SLC66A3: variants seen among roughly 807,000 people sequenced by gnomAD.
SLC66A3 encodes solute carrier family 66 member 3, also known as PQ loop repeat containing 3.
In SLC66A3, 23 loss-of-function variants were observed where a neutral mutation model predicts 25.5. That is an observed-to-expected ratio of 0.90 (90% CI 0.65 to 1.28). The LOEUF (loss-of-function observed/expected upper bound fraction) is 1.28, where lower values mean the gene tolerates loss of function less well. SLC66A3 is among the 50% of genes most tolerant of loss of function. SLC66A3 has a pLI of 0.00. For synonymous variants in SLC66A3, 108 were observed against 112.6 expected (o/e 0.96, Z 0.26); for missense variants, 246 against 262.1 (o/e 0.94, Z 0.42).
At position 11,161,946 on chromosome 2, in the gene SLC66A3, C is replaced by T. The variant is rs538085759; in HGVS notation, c.296+1252C>T. Among the ~76,000 whole-genome samples, 40 of 152,308 alleles carry T rather than the reference C, an allele frequency of 2.6e-4. No individual in the cohort carries two copies. In the South Asian group the frequency reaches 2.7e-3, roughly 10 times the overall value. On this transcript the variant is annotated intron_variant, in intron 3 of 6. Transcript: ENST00000295083. Reference sequence around the variant, plus strand: ...GGAGGGCAGAGCCAGGCCTGTGGCCCGCAGGCCATGAGAATGTGGGTGTGG... The same window carrying T: ...GGAGGGCAGAGCCAGGCCTGTGGCCTGCAGGCCATGAGAATGTGGGTGTGG...
At chr2:11,157,334 G>C (rs1344764714) in intron 1 of SLC66A3, among the ~76,000 whole-genome samples, 1 of 152,232 alleles carries the variant, frequency 6.6e-6, no homozygotes. Context: ...AGTTGATCAC[G>C]TGCAGGTAAA....
intron 5 of SLC66A3, among the ~76,000 whole-genome samples, chr2:11,173,738 G>T (rs185957191): frequency 6.6e-6 from 1 of 152,166 alleles, no homozygotes; most frequent in Non-Finnish European, 1.5e-5. Context: ...GCAGGCAGTG[G>T]TCTTCTCTAA....
At chr2:11,162,322 C>T (rs1382209555) in intron 3 of SLC66A3, among the ~76,000 whole-genome samples, 3 of 152,248 alleles carry the variant, frequency 2.0e-5, no homozygotes, top group Non-Finnish European at 2.9e-5. Context: ...TGCACCTCAA[C>T]ACTTCACGGT....
intron 6 of SLC66A3, among the ~76,000 whole-genome samples, chr2:11,176,866 A>C (rs1170983201): frequency 6.8e-6 from 1 of 146,234 alleles, no homozygotes; most frequent in African/African-American, 2.5e-5. Flanking sequence ...CTAAAATCTT[A>C]CATGTGTTTT....
rs572492168 is a variant in SLC66A3, at chr2:11,176,739, G to A, written c.518-998G>A. ...GAGACGGGGTTTCACCGTTTTAGCC[G>A]GGATGGTCTCGATCTCCTGACCTCG... On this transcript the variant is annotated intron_variant, in intron 6 of 6. Coordinates refer to ENST00000295083, the MANE Select transcript of SLC66A3 (RefSeq NM_152391.5). Among the ~76,000 whole-genome samples, 68 of 142,332 alleles carry A rather than the reference G, an allele frequency of 4.8e-4. 1 individual carries two copies. The highest frequency in any genetic ancestry group is 1.6e-3 in the South Asian group (7 of 4,356). The allele number at this position is 142,332 out of a possible 152,430, so 93.4% of individuals were successfully genotyped here.
At chr2:11,156,323 G>A (rs1441652204) in intron 1 of SLC66A3, among the ~76,000 whole-genome samples, 1 of 152,200 alleles carries the variant, frequency 6.6e-6, no homozygotes, top group African/African-American at 2.4e-5. Flanking sequence ...TTCTGAGGCA[G>A]CTTCTAAGGC....
Position 11,171,953 on chromosome 2 carries a change from G to C in SLC66A3, c.383G>C (p.Ser128Thr), listed in dbSNP as rs754077381. The C allele has an allele frequency of 6.2e-7, 1 of 1,614,080 alleles. No individual in the cohort carries two copies. Among genetic ancestry groups the C allele is most frequent in the Non-Finnish European group, 8.5e-7 (1 of 1,179,956 alleles). The change falls in exon 5 of 7, where the codon AGT (serine) becomes ACT (threonine). Residue 128 changes from serine (S) to threonine (T), a missense_variant. Around this residue, in one of 3 missense-constraint regions of SLC66A3, gnomAD observed 93 missense variants for 102.6 expected, o/e 0.91. Coordinates refer to ENST00000295083, the MANE Select transcript of SLC66A3 (RefSeq NM_152391.5). The stretch of plus-strand genomic sequence containing the variant: ...CTATGTACTTTCATCAGCGCGGCCA[G>C]TAAGTTTGCACAGCTCCAGTGTCTG... ...MNLCTFISAA[S>T]KFAQLQCLWK...
At chr2:11,173,957 T>G (rs1002311240) in intron 5 of SLC66A3, among the ~76,000 whole-genome samples, 2 of 152,150 alleles carry the variant, frequency 1.3e-5, no homozygotes, top group African/African-American at 2.4e-5. Flanking sequence ...TCGAAAACAT[T>G]TATTGTTTGT....
intron 1 of SLC66A3, among the ~76,000 whole-genome samples, chr2:11,159,390 C>T (rs544989013): frequency 1.3e-5 from 2 of 152,230 alleles, no homozygotes; most frequent in South Asian, 2.1e-4. Context: ...GCACAGCACC[C>T]GGAGGGCCTG....
intron 1 of SLC66A3, among the ~76,000 whole-genome samples, chr2:11,157,826 C>G (rs1487545288): frequency 2.0e-5 from 3 of 152,240 alleles, no homozygotes; most frequent in Non-Finnish European, 4.4e-5. Context: ...GGAGCCTTCC[C>G]CCTCGCAAGT....
chr2:11,167,868 C>T (rs894651470), intron 4 of SLC66A3, among the ~76,000 whole-genome samples: 3 of 152,300 alleles, frequency 2.0e-5, no homozygotes, highest in Non-Finnish European at 2.9e-5. Flanking sequence ...ATTTTTTTGG[C>T]TTTCAAATGC....
chr2:11,166,134 A>G (rs1662335312), intron 4 of SLC66A3, among the ~76,000 whole-genome samples: 1 of 152,192 alleles, frequency 6.6e-6, no homozygotes, highest in Non-Finnish European at 1.5e-5. Flanking sequence ...TCGGCCTCCC[A>G]AAGTGCTGGG....
intron 6 of SLC66A3, 46 bp from the exon 7 acceptor site, chr2:11,177,691 C>A: frequency 2.4e-6 from 3 of 1,252,204 alleles, no homozygotes; most frequent in South Asian, 1.2e-5. Flanking sequence ...TGGTTTTGGT[C>A]TGTATTGTAA....
chr2:11,165,241 G>A lies in SLC66A3; in HGVS notation c.354+980G>A, dbSNP rs574672552. Among the ~76,000 whole-genome samples, 28 of 150,606 alleles carry A rather than the reference G, an allele frequency of 1.9e-4. No individual in the cohort carries two copies. The South Asian group carries it at 4.0e-3, about 21-fold the overall frequency. On this transcript the variant is annotated intron_variant, in intron 4 of 6. Coordinates refer to ENST00000295083, the MANE Select transcript of SLC66A3 (RefSeq NM_152391.5). ...TTCCCAGACGGGCTGGCTGCCGGGCGTAGGGGCTCCTCACTTCTCAGAGGG... is the reference window on the plus strand; with the variant it reads ...TTCCCAGACGGGCTGGCTGCCGGGCATAGGGGCTCCTCACTTCTCAGAGGG...
chr2:11,163,513 C>T lies in SLC66A3; in HGVS notation c.297-691C>T, dbSNP rs372191825. Among the ~76,000 whole-genome samples the T allele has an allele frequency of 2.6e-5, 4 of 152,216 alleles. No homozygotes were observed. The East Asian group carries it at 5.8e-4, about 22-fold the overall frequency. On this transcript the variant is annotated intron_variant, in intron 3 of 6. Coordinates refer to ENST00000295083, the MANE Select transcript of SLC66A3 (RefSeq NM_152391.5). ...TAATTAATGTTTGAAATTATAATAA[C>T]AGCAGTCTCTTGAGTCGGTGCTACG...
intron 3 of SLC66A3, 62 bp downstream of exon 3, chr2:11,160,756 T>G: frequency 6.2e-7 from 1 of 1,611,742 alleles, no homozygotes. Flanking sequence ...ATGGTATGCA[T>G]TGTGAAGCAG....
chr2:11,177,624 G>T, intron 6 of SLC66A3, 113 bp from the exon 7 acceptor site: 1 of 639,630 alleles, frequency 1.6e-6, no homozygotes. Flanking sequence ...AACCAAAATT[G>T]TTCATTTCGG....
intron 5 of SLC66A3, 43 bp downstream of exon 5, chr2:11,172,088 C>T (rs376218979): frequency 4.0e-5 from 64 of 1,604,666 alleles, no homozygotes; most frequent in African/African-American, 3.2e-4. Flanking sequence ...TTGGTAGCAC[C>T]AAGTGTCTAC....
chr2:11,164,890 A>C (rs1275384511), intron 4 of SLC66A3, among the ~76,000 whole-genome samples: 1 of 152,214 alleles, frequency 6.6e-6, no homozygotes, highest in Non-Finnish European at 1.5e-5. Flanking sequence ...AAGGCAGAAG[A>C]ATTTTTCTTA....
Sources: allele counts gnomAD v4.1 joint callset (sites outside exome capture counted in the v4.1 genomes callset), GRCh38; gene constraint gnomAD v4.1.1; regional missense constraint gnomAD v4.1.1; transcripts MANE v1.5; gene names NCBI Gene and HGNC (gene_info 2026-07-23, HGNC 2026-07-21).